Variants in KIN observed in about 807,000 individuals in gnomAD.
KIN encodes the protein DNA/RNA-binding protein KIN17.
KIN carries 47 observed loss-of-function variants against 63.0 expected under a neutral mutation model. The observed-to-expected ratio is 0.75, with a 90% CI of 0.59 to 0.95. The LOEUF (loss-of-function observed/expected upper bound fraction) is 0.95. Among genes scored for constraint, KIN ranks in the 40% least tolerant of loss-of-function variants. KIN has a pLI of 0.00. For missense variants in KIN, 408 were observed against 460.9 expected, an observed-to-expected ratio of 0.89 and a Z score of 1.05; for synonymous variants, 160 against 157.7, an observed-to-expected ratio of 1.01 and a Z score of -0.11.
intron 8 of KIN, among the ~76,000 whole-genome samples, chr10:7,767,042 C>T (rs951705066): frequency 7.7e-5 from 9 of 116,246 alleles, no homozygotes; most frequent in African/African-American, 2.6e-4. Context: ...AAAAAAACCT[C>T]ATTTTAAATC....
At chr10:7,783,698 A>G (rs1835943296) in intron 1 of KIN, among the ~76,000 whole-genome samples, 1 of 152,162 alleles carries the variant, frequency 6.6e-6, no homozygotes, top group South Asian at 2.1e-4. Flanking sequence ...AAAAAAACAT[A>G]CAAGTTTTGA....
At chr10:7,765,197 G>A (rs1370625064) in intron 9 of KIN, among the ~76,000 whole-genome samples, 3 of 150,720 alleles carry the variant, frequency 2.0e-5, no homozygotes, top group Non-Finnish European at 4.4e-5. Flanking sequence ...ACAGTGGCTC[G>A]GGCCAGTAAT....
In KIN at chr10:7,787,128, A is replaced by G. The variant is rs147829032; in HGVS notation, c.114+692T>C. On this transcript the variant is annotated intron_variant, in intron 1 of 12. Coordinates refer to ENST00000379562, the MANE Select transcript of KIN (RefSeq NM_012311.4). ...CTGCCCAGACTCCTTGAGCCACTCTATATATACTTCACTCATTTAAAACTC... is the reference window on the plus strand; with the variant it reads ...CTGCCCAGACTCCTTGAGCCACTCTGTATATACTTCACTCATTTAAAACTC... 5.6e-3 allele frequency among the ~76,000 whole-genome samples: 859 copies of G among 152,338 alleles called. 16 individuals are homozygous for G. Among genetic ancestry groups the G allele is most frequent in the African/African-American group, 0.02 (834 of 41,568 alleles).
At chr10:7,781,223 G>A (rs1044303792) in intron 2 of KIN, among the ~76,000 whole-genome samples, 1 of 152,274 alleles carries the variant, frequency 6.6e-6, no homozygotes, top group African/African-American at 2.4e-5. Context: ...GAGGTGAACT[G>A]CAAGAGAAAG....
In KIN at chr10:7,766,099, T is replaced by G; in HGVS notation, c.803A>C (p.Glu268Ala). The change falls in exon 9 of 13, where the codon GAA becomes GCA. Residue 268 changes from glutamate to alanine, a missense_variant. Glu to Ala is a moderately radical substitution (Grantham distance 107, BLOSUM62 -1). Coordinates refer to ENST00000379562, the MANE Select transcript of KIN (RefSeq NM_012311.4). ...KSALDEIMEIEEEKKRTARTD... is the reference protein window; with the variant it reads ...KSALDEIMEIAEEKKRTARTD... ...TCGGGCAGTTCTTTTCTTTTCCTCT[T>G]CAATCTGTAGAACACATAATGTCTT... 2 of 1,607,240 alleles carry G rather than the reference T, an allele frequency of 1.2e-6. No homozygotes were observed. Among genetic ancestry groups the G allele is most frequent in the Non-Finnish European group, 1.7e-6 (2 of 1,174,930 alleles).
At chr10:7,773,378 T>C (rs1188291331) in intron 7 of KIN, among the ~76,000 whole-genome samples, 2 of 152,248 alleles carry the variant, frequency 1.3e-5, no homozygotes, top group Non-Finnish European at 2.9e-5. Context: ...AACATCCATC[T>C]ACATCTAGGA....
At chr10:7,763,815 T>A in intron 9 of KIN, 24 bp from the exon 10 acceptor site, 1 of 1,128,596 alleles carries the variant, frequency 8.9e-7, no homozygotes, top group Non-Finnish European at 1.3e-6. Flanking sequence ...ACAAAAAAAA[T>A]GAAAGGAAAG....
chr10:7,767,623 C>A (rs559234453), intron 8 of KIN, among the ~76,000 whole-genome samples: 10 of 152,030 alleles, frequency 6.6e-5, no homozygotes, highest in Admixed American at 5.9e-4. Context: ...TTTGGGAGGC[C>A]GAAGCGGGTG....
In KIN at chr10:7,752,906, A is replaced by G. The variant is rs919155845; in HGVS notation, c.*3174T>C. The G allele has an allele frequency of 6.6e-6, 1 of 152,268 alleles. No homozygotes were observed. Among genetic ancestry groups the G allele is most frequent in the Non-Finnish European group, 1.5e-5 (1 of 68,052 alleles). The allele number at this position is 152,268 out of a possible 1,614,324, so 9.4% of individuals were successfully genotyped here. A position where few individuals can be genotyped will look rare whatever the true frequency, so the allele number is the denominator to read the frequency against. On this transcript the variant is annotated 3_prime_UTR_variant, in exon 13 of 13. Coordinates refer to ENST00000379562, the MANE Select transcript of KIN (RefSeq NM_012311.4). ...GGAGACAGTAAAAAGATCAGCGGTCAGCAGGGATTTGGGGGGAGACAGGGA... is the reference window on the plus strand; with the variant it reads ...GGAGACAGTAAAAAGATCAGCGGTCGGCAGGGATTTGGGGGGAGACAGGGA...
At position 7,787,945 on chromosome 10, in the gene KIN, C is replaced by T. The variant is rs201428790; in HGVS notation, c.-12G>A. On this transcript the variant is annotated 5_prime_UTR_variant, in exon 1 of 13. Transcript: ENST00000379562. Reference sequence around the variant, plus strand: ...TCCGACTTCCCCATGGCGACCACGGCAGCGATCACTTTCTGGACCCCAGTA... The same window carrying T: ...TCCGACTTCCCCATGGCGACCACGGTAGCGATCACTTTCTGGACCCCAGTA... 2.5e-6 allele frequency: 4 copies of T among 1,592,832 alleles called. No homozygotes were observed. Among genetic ancestry groups the T allele is most frequent in the African/African-American group, 2.7e-5 (2 of 74,666 alleles).
At chr10:7,775,828 G>C (rs1173753946) in intron 5 of KIN, 29 bp from the exon 6 acceptor site, 5 of 1,423,198 alleles carry the variant, frequency 3.5e-6, no homozygotes, top group Non-Finnish European at 4.8e-6. Context: ...TAAGGTTTTG[G>C]TGTACATTGC....
intron 6 of KIN, 27 bp from the exon 7 acceptor site, chr10:7,774,918 C>T (rs1835738925): frequency 2.0e-6 from 3 of 1,515,556 alleles, no homozygotes; most frequent in African/African-American, 1.4e-5. Context: ...TTATTCCATA[C>T]ATACATTTCA....
chr10:7,783,542 AG>A (rs1161643337), intron 1 of KIN, among the ~76,000 whole-genome samples: 2 of 152,220 alleles, frequency 1.3e-5, no homozygotes, highest in African/African-American at 4.8e-5. Context: ...TGCTCAAAGG[AG>A]TAAAATGGGT....
intron 1 of KIN, among the ~76,000 whole-genome samples, chr10:7,786,570 T>G (rs79680021): frequency 6.6e-6 from 1 of 151,782 alleles, no homozygotes; most frequent in African/African-American, 2.4e-5. Context: ...GGGTAGAGCC[T>G]GCATGATGAA....
chr10:7,770,422 T>G (rs927573697), intron 7 of KIN, among the ~76,000 whole-genome samples: 8 of 152,254 alleles, frequency 5.3e-5, no homozygotes, highest in African/African-American at 1.9e-4. Context: ...CCTAAAATAA[T>G]CTCTCCTTTT....
At chr10:7,782,175 T>C (rs909732649) in intron 2 of KIN, among the ~76,000 whole-genome samples, 1 of 152,182 alleles carries the variant, frequency 6.6e-6, no homozygotes, top group African/African-American at 2.4e-5. Context: ...GTCTTCAATA[T>C]TTTTTAAAAG....
chr10:7,784,847 A>G (rs1246545949), intron 1 of KIN, among the ~76,000 whole-genome samples: 3 of 152,178 alleles, frequency 2.0e-5, no homozygotes, highest in African/African-American at 4.8e-5. Context: ...GGGGAAAATA[A>G]TACTTTCTAA....
intron 5 of KIN, among the ~76,000 whole-genome samples, chr10:7,776,472 G>A (rs760261243): frequency 1.3e-5 from 2 of 151,384 alleles, no homozygotes; most frequent in African/African-American, 4.9e-5. Context: ...AATCCAGGGG[G>A]TGAGTGCTGC....
intron 8 of KIN, 150 bp downstream of exon 8, chr10:7,769,066 A>G: frequency 1.7e-6 from 1 of 602,722 alleles, no homozygotes; most frequent in Non-Finnish European, 2.7e-6. Context: ...GGGGGCTCCA[A>G]CTCCAGTTCG....
Sources: gnomAD v4.1 joint callset for allele counts (sites outside exome capture counted in the v4.1 genomes callset) on GRCh38, gnomAD v4.1.1 for gene constraint, MANE v1.5 for transcripts, NCBI Gene and HGNC (gene_info 2026-07-23, HGNC 2026-07-21) for gene names.